The following CARD19 variants were observed in gnomAD, a reference collection of about 807,000 sequenced individuals.
CARD19 encodes the protein caspase recruitment domain-containing protein 19.
CARD19 carries 25 observed loss-of-function variants against 24.1 expected under a neutral mutation model. The ratio of observed to expected loss-of-function variants is 1.04; its 90% CI spans 0.76 to 1.45. The LOEUF (loss-of-function observed/expected upper bound fraction) is 1.45, where lower values mean the gene tolerates loss of function less well. CARD19 is among the 40% of genes most tolerant of loss of function. The pLI, the probability that CARD19 is intolerant of heterozygous loss-of-function variation, is 0.00. For missense variants in CARD19, 241 were observed against 247.4 expected (o/e 0.97, Z 0.17); for synonymous variants, 103 against 104.9 (o/e 0.98, Z 0.11).
At chr9:93,098,689 C>T (rs1026402391) in intron 1 of CARD19, among the ~76,000 whole-genome samples, 3 of 152,204 alleles carry the variant, frequency 2.0e-5, no homozygotes, top group African/African-American at 7.2e-5. Context: ...ACAGGAAGCA[C>T]AGGACCCCCA....
At chr9:93,109,471 C>CTTTTTTTTTTTTT (rs5899172) in intron 2 of CARD19, among the ~76,000 whole-genome samples, 1 of 148,558 alleles carries the variant, frequency 6.7e-6, no homozygotes. Context: ...ATACTTCTGT[C>CTTTTTTTTTTTTT]TTTTTTTTTT....
intron 1 of CARD19, among the ~76,000 whole-genome samples, chr9:93,102,649 G>GT (rs1827126126): frequency 1.3e-5 from 1 of 76,128 alleles, no homozygotes; most frequent in South Asian, 5.0e-4. Flanking sequence ...CAACCCTGTT[G>GT]TTGTTTTTTT....
At chr9:93,097,746 G>A (rs1826934619) in intron 1 of CARD19, among the ~76,000 whole-genome samples, 1 of 152,188 alleles carries the variant, frequency 6.6e-6, no homozygotes, top group South Asian at 2.1e-4. Flanking sequence ...GCCTGTCAGG[G>A]AAGCTTCCTT....
chr9:93,108,805 G>A (rs1273070766), intron 2 of CARD19, among the ~76,000 whole-genome samples: 1 of 152,260 alleles, frequency 6.6e-6, no homozygotes. Context: ...ACACCAGGGT[G>A]GCTCTGCTGG....
At chr9:93,107,856 G>T in intron 2 of CARD19, 40 bp downstream of exon 2, 1 of 1,612,800 alleles carries the variant, frequency 6.2e-7, no homozygotes, top group Non-Finnish European at 8.5e-7. Flanking sequence ...ACACTGCTCA[G>T]TTTCCCTTCC....
At chr9:93,103,478 G>T (rs1827152930) in intron 1 of CARD19, among the ~76,000 whole-genome samples, 2 of 152,090 alleles carry the variant, frequency 1.3e-5, no homozygotes, top group African/African-American at 2.4e-5. Flanking sequence ...TTTAAAACTT[G>T]TATTTTTTTG....
In CARD19 at chr9:93,112,218, G is replaced by T; in HGVS notation, c.365G>T (p.Gly122Val). The T allele has an allele frequency of 1.3e-6, 2 of 1,544,942 alleles. No individual in the cohort carries two copies. The highest frequency in any genetic ancestry group is 1.7e-6 in the Non-Finnish European group (2 of 1,146,956). The change falls in exon 5 of 6, where the codon GGA becomes GTA. Residue 122 changes from glycine to valine, a missense_variant and splice_region_variant. Gly to Val is a moderately radical substitution (Grantham distance 109). Coordinates refer to ENST00000375464, the MANE Select transcript of CARD19 (RefSeq NM_032310.5). ...CCTGTTCACGCTGGTTTCTCCCCAG[G>T]ACCCATGAGCTTCCTGGCTGGCCTG... ...GSQSGELSNRGPMSFLAGLGL... is the reference protein window; with the variant it reads ...GSQSGELSNRVPMSFLAGLGL...
At chr9:93,111,381 C>G in intron 3 of CARD19, 1 of 1,093,716 alleles carries the variant, frequency 9.1e-7, no homozygotes, top group Non-Finnish European at 1.1e-6. Context: ...CTCAGGGCCC[C>G]TGGAGGAGGG....
At chr9:93,111,475 T>G in intron 3 of CARD19, 1 of 1,083,866 alleles carries the variant, frequency 9.2e-7, no homozygotes, top group Non-Finnish European at 1.1e-6. Flanking sequence ...CTGTGGTCTC[T>G]GACCCCCTGG....
intron 1 of CARD19, among the ~76,000 whole-genome samples, chr9:93,098,300 C>T (rs1427414178): frequency 6.6e-6 from 1 of 152,232 alleles, no homozygotes; most frequent in African/African-American, 2.4e-5. Flanking sequence ...ATGAATTAAC[C>T]AGGTGGAAAC....
intron 1 of CARD19, among the ~76,000 whole-genome samples, chr9:93,103,042 A>G (rs1208920509): frequency 6.6e-6 from 1 of 152,220 alleles, no homozygotes; most frequent in East Asian, 1.9e-4. Flanking sequence ...AGGGTTTTCT[A>G]TATATAAAAT....
rs1050401341 is a variant in CARD19 at position 93,113,167 on chromosome 9, C to T, written c.*60C>T. 4.9e-6 allele frequency: 5 copies of T among 1,019,860 alleles called. No homozygotes were observed. Among genetic ancestry groups the T allele is most frequent in the African/African-American group, 1.6e-5 (1 of 61,550 alleles). The allele number at this position is 1,019,860 out of a possible 1,614,324, so 63.2% of individuals were successfully genotyped here. ...ACCAAAGAGTCCTCGAGCCGGCCCG[C>T]CAAGGGGACTGCTGCTTCTTTTTCT... On this transcript the variant is annotated 3_prime_UTR_variant, in exon 6 of 6. Coordinates refer to ENST00000375464, the MANE Select transcript of CARD19 (RefSeq NM_032310.5).
intron 1 of CARD19, among the ~76,000 whole-genome samples, chr9:93,098,900 CTTTTTTTTTT>C (rs10693165): frequency 8.3e-6 from 1 of 120,456 alleles, no homozygotes; most frequent in Non-Finnish European, 1.6e-5. Flanking sequence ...TTGCAGAACT[CTTTTTTTTTT>C]TTTTTTTTTG....
At position 93,107,810 on chromosome 9, in the gene CARD19, G is replaced by A. The variant is rs146233245; in HGVS notation, c.144G>A (p.Ala48=). ...YYPQILTNKE[A]EKFRNPKASL... ...CACAGATCCTTACCAACAAGGAGGC[G>A]GAAAAGGTGCTGAGGAGGTGAGGGG... The change falls in exon 2 of 6, where the codon GCG becomes GCA. Residue 48 remains alanine, a synonymous_variant. Transcript: ENST00000375464. 7.4e-4 allele frequency: 1,200 copies of A among 1,614,230 alleles called. 20 individuals are homozygous for A. In the South Asian group the frequency reaches 9.0e-3, roughly 12 times the overall value.
chr9:93,108,076 CCCCTTCCCGAGTTG>C (rs1827330988), intron 2 of CARD19, among the ~76,000 whole-genome samples: 1 of 152,190 alleles, frequency 6.6e-6, no homozygotes, highest in South Asian at 2.1e-4. Context: ...GGTCTGCTGT[CCCCTTCCCGAGTTG>C]CTGGGAGGTT....
intron 1 of CARD19, among the ~76,000 whole-genome samples, chr9:93,100,466 C>T (rs1274038864): frequency 1.3e-5 from 2 of 152,202 alleles, no homozygotes; most frequent in African/African-American, 4.8e-5. Flanking sequence ...TGAGCCACCG[C>T]GCCCAGCCTT....
chr9:93,111,007 T>C lies in CARD19; in HGVS notation c.304+286T>C, dbSNP rs902098358. ...CACACAGCATGGGGCATCTTATACG[T>C]CCACTCTTGCCCTTCCTTTTCTAAC... On this transcript the variant is annotated intron_variant, in intron 3 of 5. Coordinates refer to ENST00000375464, the MANE Select transcript of CARD19 (RefSeq NM_032310.5). 4.7e-6 allele frequency: 7 copies of C among 1,477,160 alleles called. No individual in the cohort carries two copies. The African/African-American group carries it at 9.7e-5, about 21-fold the overall frequency. The allele number at this position is 1,477,160 out of a possible 1,614,324, so 91.5% of individuals were successfully genotyped here. A position where few individuals can be genotyped will look rare whatever the true frequency, so the allele number is the denominator to read the frequency against.
Position 93,096,248 on chromosome 9 carries a change from G to C in CARD19, c.-98G>C, listed in dbSNP as rs1176630936. On this transcript the variant is annotated 5_prime_UTR_variant, in exon 1 of 6. Transcript: ENST00000375464. This position sits in a 1 kb window ranked among gnomAD's most constrained non-coding sequence, Gnocchi z 5.4. Reference sequence around the variant, plus strand: ...GGGCGGGCGAGCACGGCCCGCGGGCGGCGTTCGCTGGAGCTGGTGGACCGG... The same window carrying C: ...GGGCGGGCGAGCACGGCCCGCGGGCCGCGTTCGCTGGAGCTGGTGGACCGG... 8.5e-7 allele frequency: 1 copy of C among 1,178,124 alleles called. No individual in the cohort carries two copies. The highest frequency in any genetic ancestry group is 1.1e-6 in the Non-Finnish European group (1 of 942,132). 73.0% of individuals were successfully genotyped at this position (1,178,124 alleles called of 1,614,324 possible).
Position 93,110,499 on chromosome 9 carries a change from G to A in CARD19, c.151-69G>A. ...AAGCTGAGGCTGGGGGCCTGACCTTGGTGCCCTGCCCTGACCCACAGCCAG... is the reference window on the plus strand; with the variant it reads ...AAGCTGAGGCTGGGGGCCTGACCTTAGTGCCCTGCCCTGACCCACAGCCAG... On this transcript the variant is annotated intron_variant, in intron 2 of 5. Transcript: ENST00000375464. The A allele has an allele frequency of 2.6e-6, 4 of 1,519,782 alleles. 1 individual carries two copies. In the South Asian group the frequency reaches 5.2e-5, roughly 20 times the overall value. 94.1% of individuals were successfully genotyped at this position (1,519,782 alleles called of 1,614,324 possible).
Sources: allele counts gnomAD v4.1 joint callset (sites outside exome capture counted in the v4.1 genomes callset), GRCh38; gene constraint gnomAD v4.1.1; non-coding constraint Gnocchi (gnomAD v3.1); transcripts MANE v1.5; gene names NCBI Gene and HGNC (gene_info 2026-07-23, HGNC 2026-07-21).